WASF1: variants seen among roughly 807,000 people sequenced by gnomAD.
The protein encoded by WASF1 is WASP family member 1.
A neutral mutation model predicts 50.5 loss-of-function variants in WASF1; 7 were observed. The ratio of observed to expected loss-of-function variants is 0.14; its 90% CI spans 0.08 to 0.26. The LOEUF is 0.26. Among genes scored for constraint, WASF1 ranks in the 10% least tolerant of loss-of-function variants. The pLI is 1.00. For missense variants in WASF1, 470 were observed against 694.7 expected (o/e 0.68, Z 3.64); for synonymous variants, 205 against 244.0 (o/e 0.84, Z 1.49).
chr6:110,136,923 A>C (rs892273020), intron 3 of WASF1, among the ~76,000 whole-genome samples: 3 of 152,164 alleles, frequency 2.0e-5, no homozygotes, highest in African/African-American at 7.2e-5. Flanking sequence ...TCCTCCTGTT[A>C]AAATTTTCTC....
chr6:110,160,288 G>A (rs947002194), intron 3 of WASF1, among the ~76,000 whole-genome samples: 1 of 151,820 alleles, frequency 6.6e-6, no homozygotes, highest in African/African-American at 2.4e-5. Context: ...ACTCTTTTAA[G>A]AGCACTTATA....
intron 8 of WASF1, among the ~76,000 whole-genome samples, chr6:110,104,621 T>A (rs1456323843): frequency 6.6e-6 from 1 of 152,154 alleles, no homozygotes; most frequent in African/African-American, 2.4e-5. Context: ...AGACCCCATC[T>A]CTACTAAAAA....
At chr6:110,112,208 A>G (rs1277079908) in intron 5 of WASF1, among the ~76,000 whole-genome samples, 1 of 152,064 alleles carries the variant, frequency 6.6e-6, no homozygotes, top group East Asian at 1.9e-4. Flanking sequence ...CATTTATACT[A>G]AAAATTAGAT....
intron 4 of WASF1, among the ~76,000 whole-genome samples, chr6:110,118,663 G>C (rs1282614921): frequency 2.2e-4 from 34 of 152,114 alleles, no homozygotes. Flanking sequence ...AAGATATCCA[G>C]GACTTGAACT....
In WASF1 at chr6:110,145,261, G is replaced by C. The variant is rs1011041771; in HGVS notation, c.-29+15374C>G. Among the ~76,000 whole-genome samples, 5 of 152,098 alleles carry C rather than the reference G, an allele frequency of 3.3e-5. 1 individual carries two copies. The highest frequency in any genetic ancestry group is 9.7e-5 in the African/African-American group (4 of 41,394). ...TCAGTCATGATTTGGCTCTCTGTTT[G>C]TCTGTTATTGGTGTATAAGAATGCT... On this transcript the variant is annotated intron_variant, in intron 3 of 10. Transcript: ENST00000392589.
intron 3 of WASF1, among the ~76,000 whole-genome samples, chr6:110,151,535 T>C (rs966455362): frequency 2.0e-5 from 3 of 152,198 alleles, no homozygotes; most frequent in South Asian, 2.1e-4. Context: ...AATTCCAAGA[T>C]TGGTCTAAAC....
At chr6:110,114,621 A>C (rs1339967056) in intron 4 of WASF1, among the ~76,000 whole-genome samples, 2 of 152,206 alleles carry the variant, frequency 1.3e-5, no homozygotes, top group Non-Finnish European at 2.9e-5. Flanking sequence ...AGCAAAAGGA[A>C]GGCAAAGGAT....
intron 2 of WASF1, among the ~76,000 whole-genome samples, chr6:110,169,216 A>C: frequency 6.6e-6 from 1 of 152,012 alleles, no homozygotes; most frequent in East Asian, 1.9e-4. Context: ...TAAACAATCA[A>C]CCCTAACAGT....
chr6:110,104,047 A>G (rs886960846), intron 8 of WASF1, among the ~76,000 whole-genome samples: 2 of 152,182 alleles, frequency 1.3e-5, no homozygotes, highest in Non-Finnish European at 2.9e-5. Flanking sequence ...GGCCTCCCAG[A>G]TACTAGCAGC....
rs1172544760 is a variant in WASF1, at chr6:110,124,234, T to TCC, written c.133+3233_133+3234dup. Among the ~76,000 whole-genome samples, 20 of 17,758 alleles carry TCC rather than the reference T, an allele frequency of 1.1e-3. 3 individuals are homozygous for TCC. Among genetic ancestry groups the TCC allele is most frequent in the African/African-American group, 5.8e-3 (18 of 3,078 alleles). 11.6% of individuals were successfully genotyped at this position (17,758 alleles called of 152,430 possible). A position where few individuals can be genotyped will look rare whatever the true frequency, so the allele number is the denominator to read the frequency against. ...CTCTCTCTCCTCTCTCTCCTCTCTC[T>TCC]CCTCTCTCTCTCTCTCTCTCTCTCT... On this transcript the variant is annotated intron_variant, in intron 4 of 10. Transcript: ENST00000392589.
chr6:110,124,456 G>A (rs1045737127), intron 4 of WASF1, among the ~76,000 whole-genome samples: 1 of 150,800 alleles, frequency 6.6e-6, no homozygotes, highest in African/African-American at 2.4e-5. Flanking sequence ...CGTGAGACAA[G>A]AACCTGGACC....
At chr6:110,142,998 G>A (rs1274291956) in intron 3 of WASF1, among the ~76,000 whole-genome samples, 3 of 136,810 alleles carry the variant, frequency 2.2e-5, no homozygotes, top group East Asian at 2.3e-4. Context: ...AAGTTTCTTC[G>A]TTTATTTTCC....
At chr6:110,143,316 C>T (rs911926620) in intron 3 of WASF1, among the ~76,000 whole-genome samples, 1 of 151,624 alleles carries the variant, frequency 6.6e-6, no homozygotes, top group African/African-American at 2.4e-5. Flanking sequence ...TGAAATCTAA[C>T]CATAGCAAAA....
At chr6:110,113,197 A>C (rs1448070337) in intron 5 of WASF1, 129 bp downstream of exon 5, 14 of 803,348 alleles carry the variant, frequency 1.7e-5, no homozygotes, top group Non-Finnish European at 5.1e-6. Flanking sequence ...CTGATTTATT[A>C]CAATATGTAC....
At chr6:110,144,764 G>T (rs1006921468) in intron 3 of WASF1, among the ~76,000 whole-genome samples, 3 of 152,170 alleles carry the variant, frequency 2.0e-5, no homozygotes, top group Non-Finnish European at 2.9e-5. Flanking sequence ...AGATCAGATA[G>T]TTGTAGATAT....
chr6:110,120,326 C>T (rs542051569), intron 4 of WASF1, among the ~76,000 whole-genome samples: 29 of 152,096 alleles, frequency 1.9e-4, no homozygotes, highest in Non-Finnish European at 1.3e-4. Flanking sequence ...TAAGCTGATA[C>T]GCAACTTCAG....
At chr6:110,147,653 A>C (rs1179076532) in intron 3 of WASF1, among the ~76,000 whole-genome samples, 1 of 152,190 alleles carries the variant, frequency 6.6e-6, no homozygotes, top group African/African-American at 2.4e-5. Flanking sequence ...GTTACTCTCA[A>C]AGAAAATATG....
intron 4 of WASF1, among the ~76,000 whole-genome samples, chr6:110,116,499 G>A (rs1193048363): frequency 6.6e-6 from 1 of 152,202 alleles, no homozygotes; most frequent in Non-Finnish European, 1.5e-5. Flanking sequence ...CACCATTGCT[G>A]AGGCTTGAGT....
At chr6:110,146,858 C>T (rs1775587197) in intron 3 of WASF1, among the ~76,000 whole-genome samples, 1 of 152,004 alleles carries the variant, frequency 6.6e-6, no homozygotes, top group Non-Finnish European at 1.5e-5. Context: ...AACTTTAAAA[C>T]TACTCACTAC....
Sources: gnomAD v4.1 joint callset for allele counts (sites outside exome capture counted in the v4.1 genomes callset) on GRCh38, gnomAD v4.1.1 for gene constraint, MANE v1.5 for transcripts, NCBI Gene and HGNC (gene_info 2026-07-23, HGNC 2026-07-21) for gene names.